HMCN1: variants seen among roughly 807,000 people sequenced by gnomAD.
HMCN1 encodes the protein hemicentin-1.
A neutral mutation model predicts 625.9 loss-of-function variants in HMCN1; 321 were observed. The ratio of observed to expected loss-of-function variants is 0.51; its 90% CI spans 0.47 to 0.56. The LOEUF (loss-of-function observed/expected upper bound fraction) is 0.56. HMCN1 is among the 20% of genes least tolerant of loss of function. HMCN1 has a pLI of 0.00. For synonymous variants in HMCN1, 2,425 were observed against 2,417.6 expected, an observed-to-expected ratio of 1.00 and a Z score of -0.09; for missense variants, 6,588 against 6,887.3, an observed-to-expected ratio of 0.96 and a Z score of 1.54.
rs16824853 is a variant in HMCN1 at position 186,016,620 on chromosome 1, T to C, written c.5192-343T>C. Among the ~76,000 whole-genome samples the C allele has an allele frequency of 4.7e-3, 715 of 152,194 alleles. 31 individuals are homozygous for C. The East Asian group carries it at 0.11, about 23-fold the overall frequency. On this transcript the variant is annotated intron_variant, in intron 32 of 106. Coordinates refer to ENST00000271588, the MANE Select transcript of HMCN1 (RefSeq NM_031935.3). ...CCTTGAAACTCAGTATCTTTATCTA[T>C]AAATTGAAGGCTTTTGAATAGATGC...
chr1:186,132,237 A>C (rs530041742), intron 85 of HMCN1, 91 bp from the exon 86 acceptor site: 2 of 882,962 alleles, frequency 2.3e-6, no homozygotes, highest in Non-Finnish European at 3.7e-6. Flanking sequence ...CTCAAAAATG[A>C]AATTTCAAAT....
intron 1 of HMCN1, among the ~76,000 whole-genome samples, chr1:185,736,739 C>T (rs918786765): frequency 7.2e-5 from 11 of 152,114 alleles, no homozygotes; most frequent in Non-Finnish European, 1.5e-4. Context: ...GGAGAGTTTG[C>T]TCTTTGCTGT....
Position 185,893,009 on chromosome 1 carries a change from G to A in HMCN1, c.622-16328G>A, listed in dbSNP as rs1027194987. Among the ~76,000 whole-genome samples the A allele has an allele frequency of 7.2e-5, 11 of 152,300 alleles. 1 individual carries two copies. In the South Asian group the frequency reaches 1.0e-3, roughly 14 times the overall value. On this transcript the variant is annotated intron_variant, in intron 4 of 106. Coordinates refer to ENST00000271588, the MANE Select transcript of HMCN1 (RefSeq NM_031935.3). ...CAAGCCAGGTGCGGGATATAATCTCGTGGTGCGCCGTTTTTTAAGCAGGTC... is the reference window on the plus strand; with the variant it reads ...CAAGCCAGGTGCGGGATATAATCTCATGGTGCGCCGTTTTTTAAGCAGGTC...
At chr1:185,861,909 A>C (rs1309560031) in intron 2 of HMCN1, among the ~76,000 whole-genome samples, 1 of 152,172 alleles carries the variant, frequency 6.6e-6, no homozygotes, top group Non-Finnish European at 1.5e-5. Context: ...CTGAGGATTC[A>C]AGGACTCAGC....
chr1:185,922,742 A>C (rs536187616), intron 7 of HMCN1, among the ~76,000 whole-genome samples: 1 of 152,284 alleles, frequency 6.6e-6, no homozygotes, highest in East Asian at 1.9e-4. Flanking sequence ...GATCTCCTGA[A>C]TTAGAACCAT....
intron 4 of HMCN1, among the ~76,000 whole-genome samples, chr1:185,880,460 T>A (rs1664233857): frequency 6.6e-6 from 1 of 152,242 alleles, no homozygotes; most frequent in Non-Finnish European, 1.5e-5. Context: ...CCTCTGATAC[T>A]TTGAATGGGC....
At chr1:185,983,183 A>G (rs1651771582) in intron 18 of HMCN1, among the ~76,000 whole-genome samples, 1 of 152,110 alleles carries the variant, frequency 6.6e-6, no homozygotes, top group Admixed American at 6.5e-5. Flanking sequence ...AATTTTTTTT[A>G]TGAAAGGATG....
chr1:185,747,907 G>A lies in HMCN1; in HGVS notation c.268+12860G>A, dbSNP rs16824414. Among the ~76,000 whole-genome samples, 20 of 152,228 alleles carry A rather than the reference G, an allele frequency of 1.3e-4. No homozygotes were observed. In the East Asian group the frequency reaches 2.3e-3, roughly 18 times the overall value. ...TTCCTTGATGTTCTCAGGCTGTAAGGCATGCTGATTACCACCAAAAGTGTG... is the reference window on the plus strand; with the variant it reads ...TTCCTTGATGTTCTCAGGCTGTAAGACATGCTGATTACCACCAAAAGTGTG... On this transcript the variant is annotated intron_variant, in intron 1 of 106. Coordinates refer to ENST00000271588, the MANE Select transcript of HMCN1 (RefSeq NM_031935.3).
intron 1 of HMCN1, among the ~76,000 whole-genome samples, chr1:185,785,112 G>A (rs1657470443): frequency 6.6e-6 from 1 of 152,086 alleles, no homozygotes; most frequent in Admixed American, 6.5e-5. Context: ...TTCTGGCTTT[G>A]GGAATATGGA....
At chr1:186,013,937 C>T (rs1169373937) in intron 30 of HMCN1, among the ~76,000 whole-genome samples, 1 of 152,076 alleles carries the variant, frequency 6.6e-6, no homozygotes, top group African/African-American at 2.4e-5. Context: ...TAGGTAGTCC[C>T]CACTCATAGA....
chr1:186,006,867 A>G (rs1400418023), intron 29 of HMCN1, among the ~76,000 whole-genome samples: 1 of 151,854 alleles, frequency 6.6e-6, no homozygotes, highest in East Asian at 1.9e-4. Context: ...TAATGACACT[A>G]CTGGATTTCT....
At chr1:186,098,796 GAATA>G (rs553311953) in intron 68 of HMCN1, among the ~76,000 whole-genome samples, 129 of 152,160 alleles carry the variant, frequency 8.5e-4, no homozygotes, top group Non-Finnish European at 1.5e-3. Flanking sequence ...ATGGATGAAT[GAATA>G]AAGACAATGT....
Position 186,132,234 on chromosome 1 carries a change from A to G in HMCN1, c.13231-94A>G, listed in dbSNP as rs34834652. ...TTTCCATTAAAATTCCTTCTCAAAAATGAAATTTCAAATAAACTAGCATCA... is the reference window on the plus strand; with the variant it reads ...TTTCCATTAAAATTCCTTCTCAAAAGTGAAATTTCAAATAAACTAGCATCA... On this transcript the variant is annotated intron_variant, in intron 85 of 106. Transcript: ENST00000271588. The G allele has an allele frequency of 2.1e-3, 1,850 of 863,882 alleles. 2 individuals carry two copies. The highest frequency in any genetic ancestry group is 4.3e-3 in the Middle Eastern group (20 of 4,638). The allele number at this position is 863,882 out of a possible 1,614,324, so 53.5% of individuals were successfully genotyped here.
At chr1:186,049,069 C>A (rs1478924462) in intron 42 of HMCN1, among the ~76,000 whole-genome samples, 1 of 151,994 alleles carries the variant, frequency 6.6e-6, no homozygotes. Flanking sequence ...CCTCATCTGC[C>A]TGAGTAGTAA....
rs766755280 is a variant in HMCN1 at position 186,125,870 on chromosome 1, G to GGAA, written c.12690+78_12690+80dup. On this transcript the variant is annotated intron_variant, in intron 82 of 106. Transcript: ENST00000271588. Reference sequence around the variant, plus strand: ...CATCATACTTTTAGTAATTTAGCATGGAAGTATATTCTTTAATAATTAAAA... The same window carrying GGAA: ...CATCATACTTTTAGTAATTTAGCATGGAAGAAGTATATTCTTTAATAATTAAAA... 50 of 1,069,584 alleles carry GGAA rather than the reference G, an allele frequency of 4.7e-5. 1 individual carries two copies. The highest frequency in any genetic ancestry group is 4.3e-4 in the Admixed American group (22 of 51,280). 66.3% of individuals were successfully genotyped at this position (1,069,584 alleles called of 1,614,324 possible).
chr1:186,127,914 TTA>T (rs1400669276), intron 82 of HMCN1, among the ~76,000 whole-genome samples, 162 bp from the exon 83 acceptor site: 1 of 152,184 alleles, frequency 6.6e-6, no homozygotes, highest in African/African-American at 2.4e-5. Flanking sequence ...ACATTTTAAA[TTA>T]TGTTATGCAA....
At chr1:186,180,136 G>T (rs1652849445) in intron 104 of HMCN1, among the ~76,000 whole-genome samples, 2 of 152,010 alleles carry the variant, frequency 1.3e-5, no homozygotes, top group South Asian at 4.2e-4. Context: ...CTAAATATGT[G>T]GACTCCAGTA....
chr1:185,870,038 A>T (rs1321421154), intron 4 of HMCN1, among the ~76,000 whole-genome samples: 36 of 145,774 alleles, frequency 2.5e-4, no homozygotes, highest in African/African-American at 7.1e-4. Context: ...TTTTTTTTTA[A>T]AAAAAAACAA....
At chr1:185,890,395 G>T (rs1664985930) in intron 4 of HMCN1, among the ~76,000 whole-genome samples, 1 of 147,208 alleles carries the variant, frequency 6.8e-6, no homozygotes, top group African/African-American at 2.7e-5. Context: ...TCTTTTAGTT[G>T]TGATGTTAGG....
Sources: gnomAD v4.1 joint callset for allele counts (sites outside exome capture counted in the v4.1 genomes callset) on GRCh38, gnomAD v4.1.1 for gene constraint, MANE v1.5 for transcripts, NCBI Gene and HGNC (gene_info 2026-07-23, HGNC 2026-07-21) for gene names.